The following ENKUR variants were observed in gnomAD, a reference collection of about 807,000 sequenced individuals.
ENKUR encodes the protein enkurin, TRPC channel interacting protein, also known as enkurin.
A neutral mutation model predicts 27.6 loss-of-function variants in ENKUR; 19 were observed. That is an observed-to-expected ratio of 0.69 (90% confidence interval 0.48 to 1.01). ENKUR has a LOEUF of 1.01. Among genes scored for constraint, ENKUR ranks in the 50% least tolerant of loss-of-function variants. The probability of loss-of-function intolerance (pLI) is 0.00; values close to 1 mark genes in which losing one functional copy is unlikely to be tolerated. For synonymous variants in ENKUR, 117 were observed against 96.9 expected (o/e 1.21, Z -1.22); for missense variants, 312 against 310.5 (o/e 1.00, Z -0.04).
At chr10:25,003,084 TTAAG>T (rs1163659738) in intron 1 of ENKUR, among the ~76,000 whole-genome samples, 11 of 152,130 alleles carry the variant, frequency 7.2e-5, no homozygotes, top group African/African-American at 1.7e-4. Context: ...AAAAATAACA[TTAAG>T]TAAATTAAAA....
At chr10:25,011,811 C>T (rs1850451782) in intron 1 of ENKUR, among the ~76,000 whole-genome samples, 1 of 152,144 alleles carries the variant, frequency 6.6e-6, no homozygotes, top group Admixed American at 6.5e-5. Context: ...AAAAGAAAAA[C>T]CAATTTTCTG....
Position 24,984,797 on chromosome 10 carries a change from T to G in ENKUR, c.703A>C (p.Lys235Gln). 1 of 1,613,966 alleles carries G rather than the reference T, an allele frequency of 6.2e-7. No homozygotes were observed. The highest frequency in any genetic ancestry group is 1.3e-5 in the African/African-American group (1 of 75,036). Residue 235 changes from lysine (K) to glutamine (Q), a missense_variant, in exon 5 of 6, where the codon AAA (lysine) becomes CAA (glutamine). Lys to Gln is a moderately conservative substitution (Grantham distance 53). Transcript: ENST00000331161. ...ATGCCAATGTCGTGTTCTAGTTGTT[T>G]CATTTCTTCTTCCAGCCTCTGCTTG... ...IRKQRLEEEM[K>Q]QLEHDIGIIE...
chr10:25,046,275 C>A (rs1851120989), intron 2 of ENKUR, among the ~76,000 whole-genome samples: 1 of 152,150 alleles, frequency 6.6e-6, no homozygotes, highest in Non-Finnish European at 1.5e-5. Context: ...ATGCTACGTT[C>A]TATCAAGTTC....
At chr10:24,985,662 A>AT (rs1057371181) in intron 4 of ENKUR, among the ~76,000 whole-genome samples, 6 of 152,212 alleles carry the variant, frequency 3.9e-5, no homozygotes, top group Non-Finnish European at 7.3e-5. Context: ...CATAATTATC[A>AT]TTTTTTTATC....
At chr10:25,029,414 A>C (rs1850908183) in intron 2 of ENKUR, among the ~76,000 whole-genome samples, 1 of 152,008 alleles carries the variant, frequency 6.6e-6, no homozygotes, top group Admixed American at 6.5e-5. Context: ...TTTAGAAGAC[A>C]ATAAATTGTT....
intron 1 of ENKUR, among the ~76,000 whole-genome samples, chr10:25,013,938 G>A (rs529806699): frequency 3.6e-4 from 53 of 146,620 alleles, no homozygotes; most frequent in Non-Finnish European, 5.7e-4. Context: ...GTGAAACTCC[G>A]TCTTGAAAAA....
intron 2 of ENKUR, among the ~76,000 whole-genome samples, chr10:25,035,496 A>G (rs778974110): frequency 1.8e-4 from 28 of 152,040 alleles, no homozygotes; most frequent in Non-Finnish European, 3.8e-4. Flanking sequence ...TGGAGGTTGC[A>G]GTGAGCTGAG....
At position 24,988,664 on chromosome 10, in the gene ENKUR, GTATATATATATATATATATATATATA is replaced by G. The variant is rs66687937; in HGVS notation, c.594+1773_594+1798del. 2.7e-3 allele frequency among the ~76,000 whole-genome samples: 270 copies of G among 98,876 alleles called. 3 individuals are homozygous for G. The highest frequency in any genetic ancestry group is 7.3e-3 in the African/African-American group (207 of 28,376). 64.9% of individuals were successfully genotyped at this position (98,876 alleles called of 152,430 possible). A position where few individuals can be genotyped will look rare whatever the true frequency, so the allele number is the denominator to read the frequency against. On this transcript the variant is annotated intron_variant, in intron 4 of 5. Transcript: ENST00000331161. ...GAAAATGTAGAGTGACACAGCATAT[GTATATATATATATATATATATATATA>G]TATATATATATATATATATATATAT...
At chr10:25,014,297 C>T (rs1020682055) in intron 1 of ENKUR, among the ~76,000 whole-genome samples, 2 of 152,162 alleles carry the variant, frequency 1.3e-5, no homozygotes, top group Non-Finnish European at 2.9e-5. Flanking sequence ...TGTAAATTGA[C>T]TTTAACCTAA....
chr10:25,013,261 A>G (rs911025764), intron 1 of ENKUR, among the ~76,000 whole-genome samples: 1 of 152,268 alleles, frequency 6.6e-6, no homozygotes, highest in African/African-American at 2.4e-5. Flanking sequence ...ACTATGTTCT[A>G]TGATAGATAA....
At chr10:25,018,576 T>C (rs1432890384), upstream of ENKUR, among the ~76,000 whole-genome samples, 1 of 152,044 alleles carries the variant, frequency 6.6e-6, no homozygotes, top group Non-Finnish European at 1.5e-5. Flanking sequence ...GGGCCAGATT[T>C]AGCCTGTGGA....
intron 2 of ENKUR, among the ~76,000 whole-genome samples, chr10:25,028,664 T>G (rs1022427019): frequency 3.9e-5 from 6 of 152,196 alleles, no homozygotes; most frequent in Admixed American, 3.3e-4. Flanking sequence ...CTTCACAGAG[T>G]TATCTACATA....
intron 2 of ENKUR, among the ~76,000 whole-genome samples, chr10:25,042,352 G>C (rs1417121455): frequency 1.3e-5 from 2 of 150,844 alleles, no homozygotes; most frequent in African/African-American, 2.4e-5. Context: ...ACAATGGCAT[G>C]ATCTCAGCAT....
chr10:25,044,031 G>C (rs1403100694), intron 2 of ENKUR, among the ~76,000 whole-genome samples: 1 of 114,760 alleles, frequency 8.7e-6, no homozygotes, highest in Non-Finnish European at 1.7e-5. Flanking sequence ...TTAAAGTCTT[G>C]GTCTACTATT....
intron 2 of ENKUR, among the ~76,000 whole-genome samples, chr10:25,054,483 TTC>T (rs1851225709): frequency 8.7e-6 from 1 of 115,410 alleles, no homozygotes; most frequent in South Asian, 3.3e-4. Context: ...CTTTCTTTCT[TTC>T]TTTCTTTCTT....
intron 2 of ENKUR, among the ~76,000 whole-genome samples, chr10:24,996,202 C>T (rs564162775): frequency 1.3e-5 from 2 of 152,168 alleles, no homozygotes; most frequent in Non-Finnish European, 2.9e-5. Flanking sequence ...GTGGGCAGAT[C>T]GCTTGAGCTC....
At chr10:25,023,165 G>A in intron 2 of ENKUR, 1 of 1,512,940 alleles carries the variant, frequency 6.6e-7, no homozygotes, top group Non-Finnish European at 8.9e-7. Context: ...TTTGTTTTGT[G>A]TTTTGAAAAG....
chr10:25,017,621 CT>C (rs139511500), upstream of ENKUR, among the ~76,000 whole-genome samples: 36,106 of 142,002 alleles, frequency 0.25, 4,870 homozygotes, highest in East Asian at 0.49. Flanking sequence ...TTAAGTTTTT[CT>C]TTTTTTTTTT....
Position 25,053,078 on chromosome 10 carries a change from A to T in ENKUR, c.37+8034T>A, listed in dbSNP as rs34707887. ...GCCACCACACCCATCTTGTCTCTTT[A>T]AAAAAAAAAAAAAAAGGACTGGAGG... On this transcript the variant is annotated intron_variant, in intron 2 of 5. Transcript: ENST00000615958. 9.3e-3 allele frequency among the ~76,000 whole-genome samples: 720 copies of T among 77,524 alleles called. 11 individuals carry two copies. The highest frequency in any genetic ancestry group is 0.079 in the South Asian group (137 of 1,730). 50.9% of individuals were successfully genotyped at this position (77,524 alleles called of 152,430 possible).
Sources: gnomAD v4.1 joint callset for allele counts (sites outside exome capture counted in the v4.1 genomes callset) on GRCh38, gnomAD v4.1.1 for gene constraint, MANE v1.5 for transcripts, NCBI Gene and HGNC (gene_info 2026-07-23, HGNC 2026-07-21) for gene names.